FANK1: variants seen among roughly 807,000 people sequenced by gnomAD.
FANK1 encodes fibronectin type III and ankyrin repeat domains 1.
A neutral mutation model predicts 45.3 loss-of-function variants in FANK1; 44 were observed. The ratio of observed to expected loss-of-function variants is 0.97; its 90% CI spans 0.76 to 1.25. The LOEUF is 1.25. Among genes scored for constraint, FANK1 ranks in the 50% most tolerant of loss-of-function variants. FANK1 has a pLI of 0.00. For synonymous variants in FANK1, 149 were observed against 152.5 expected (o/e 0.98, Z 0.17); for missense variants, 391 against 424.4 (o/e 0.92, Z 0.69).
At chr10:125,931,483 T>C (rs1947748459) in intron 1 of FANK1, among the ~76,000 whole-genome samples, 1 of 152,250 alleles carries the variant, frequency 6.6e-6, no homozygotes, top group Non-Finnish European at 1.5e-5. Flanking sequence ...TTGGGCATTT[T>C]TTCATATATT....
At chr10:125,935,151 T>G (rs1261190002) in intron 1 of FANK1, among the ~76,000 whole-genome samples, 1 of 152,200 alleles carries the variant, frequency 6.6e-6, no homozygotes, top group Non-Finnish European at 1.5e-5. Context: ...ATTCATTCCT[T>G]CACGGAAAGT....
chr10:125,936,680 C>G (rs909423818), intron 1 of FANK1, among the ~76,000 whole-genome samples: 1 of 152,150 alleles, frequency 6.6e-6, no homozygotes. Context: ...GTTGAAGATC[C>G]TTCTTTCTCA....
chr10:125,917,509 C>T (rs1321943088), intron 1 of FANK1, among the ~76,000 whole-genome samples: 2 of 152,190 alleles, frequency 1.3e-5, no homozygotes, highest in Admixed American at 6.5e-5. Flanking sequence ...AGTCTTTTGA[C>T]GAACCTAATA....
In FANK1 at chr10:125,933,209, A is replaced by G. The variant is rs183647496; in HGVS notation, c.13+36554A>G. Among the ~76,000 whole-genome samples, 152 of 151,854 alleles carry G rather than the reference A, an allele frequency of 1.0e-3. 1 individual carries two copies. Among genetic ancestry groups the G allele is most frequent in the African/African-American group, 3.5e-3 (146 of 41,476 alleles). Reference sequence around the variant, plus strand: ...GATTTTGGTATTAGGGTGACTTGGTACCAATTCTTCTTTGAATATCTGGTA... The same window carrying G: ...GATTTTGGTATTAGGGTGACTTGGTGCCAATTCTTCTTTGAATATCTGGTA... On this transcript the variant is annotated intron_variant, in intron 1 of 10. Transcript: ENST00000368693.
chr10:125,919,195 A>ATTTTTTTTTTTTTTTTTTTTTTTTTTT lies in FANK1; in HGVS notation c.13+22542_13+22568dup, dbSNP rs142716284. ...AGTAAAATACTTCCAGGAGGTAAGA[A>ATTTTTTTTTTTTTTTTTTTTTTTTTTT]TTTTTTTTTTTTTTTTTTTTTTTTT... On this transcript the variant is annotated intron_variant, in intron 1 of 10. Coordinates refer to ENST00000368693, the MANE Select transcript of FANK1 (RefSeq NM_145235.5). Among the ~76,000 whole-genome samples, 28 of 51,880 alleles carry ATTTTTTTTTTTTTTTTTTTTTTTTTTT rather than the reference A, an allele frequency of 5.4e-4. 3 individuals are homozygous for ATTTTTTTTTTTTTTTTTTTTTTTTTTT. Among genetic ancestry groups the ATTTTTTTTTTTTTTTTTTTTTTTTTTT allele is most frequent in the East Asian group, 6.7e-4 (1 of 1,494 alleles). 34.0% of individuals were successfully genotyped at this position (51,880 alleles called of 152,430 possible).
intron 1 of FANK1, among the ~76,000 whole-genome samples, chr10:125,935,977 C>G (rs1457752860): frequency 6.6e-6 from 1 of 152,150 alleles, no homozygotes; most frequent in Non-Finnish European, 1.5e-5. Flanking sequence ...TCTTTACCTT[C>G]TCTGAATTCG....
rs541025301 is a variant in FANK1 at position 125,943,220 on chromosome 10, C to T, written c.14-36941C>T. Among the ~76,000 whole-genome samples the T allele has an allele frequency of 3.1e-3, 476 of 152,226 alleles. 1 individual carries two copies. Among genetic ancestry groups the T allele is most frequent in the African/African-American group, 0.011 (469 of 41,542 alleles). On this transcript the variant is annotated intron_variant, in intron 1 of 10. Coordinates refer to ENST00000368693, the MANE Select transcript of FANK1 (RefSeq NM_145235.5). Reference sequence around the variant, plus strand: ...TTTCTGTATTTTCTGTTAAACTCTTCATATGTCTAAATCAGGAATCAGACA... The same window carrying T: ...TTTCTGTATTTTCTGTTAAACTCTTTATATGTCTAAATCAGGAATCAGACA...
intron 1 of FANK1, among the ~76,000 whole-genome samples, chr10:125,947,655 A>G (rs1408003922): frequency 6.6e-6 from 1 of 151,418 alleles, no homozygotes; most frequent in Non-Finnish European, 1.5e-5. Context: ...ACACCCACAC[A>G]TTAATAATGG....
chr10:125,924,798 C>A (rs1947223077), intron 1 of FANK1, among the ~76,000 whole-genome samples: 1 of 145,226 alleles, frequency 6.9e-6, no homozygotes, highest in Non-Finnish European at 1.5e-5. Flanking sequence ...CAGAGTGAGA[C>A]CCCATCTCAA....
intron 6 of FANK1, among the ~76,000 whole-genome samples, chr10:126,001,493 T>C (rs1430325443): frequency 6.6e-6 from 1 of 152,022 alleles, no homozygotes; most frequent in African/African-American, 2.4e-5. Context: ...GCGGAGCGGG[T>C]CCTCCATTTC....
In FANK1 at chr10:125,977,644, C is replaced by T. The variant is rs143398466; in HGVS notation, c.14-2517C>T. ...AAGAGATCTTAGCAGGGGTTGTGGC[C>T]GGGGGTTATTTGCTTGCTCCACCTC... On this transcript the variant is annotated intron_variant, in intron 1 of 10. Transcript: ENST00000368693. 4.0e-4 allele frequency among the ~76,000 whole-genome samples: 61 copies of T among 152,130 alleles called. No homozygotes were observed. In the East Asian group the frequency reaches 6.6e-3, roughly 16 times the overall value.
At chr10:125,910,764 G>A (rs1313840702) in intron 1 of FANK1, among the ~76,000 whole-genome samples, 1 of 152,204 alleles carries the variant, frequency 6.6e-6, no homozygotes, top group African/African-American at 2.4e-5. Flanking sequence ...GCTGGGTGCG[G>A]TGGCTCACTC....
At chr10:125,982,916 C>CT (rs4019626) in intron 2 of FANK1, among the ~76,000 whole-genome samples, 6,043 of 146,764 alleles carry the variant, frequency 0.041, 209 homozygotes, top group African/African-American at 0.091. Context: ...GACTTTATTC[C>CT]TTTTTTTTTT....
chr10:125,921,970 T>A (rs1373453240), intron 1 of FANK1, among the ~76,000 whole-genome samples: 4 of 152,196 alleles, frequency 2.6e-5, no homozygotes, highest in African/African-American at 9.6e-5. Context: ...ATATTACTGA[T>A]TTAGTCTGTT....
chr10:125,966,541 A>G (rs1950210434), intron 1 of FANK1, among the ~76,000 whole-genome samples: 1 of 152,120 alleles, frequency 6.6e-6, no homozygotes, highest in East Asian at 1.9e-4. Flanking sequence ...TGCCCTCAGG[A>G]CACAGGAGAG....
chr10:125,930,301 T>G (rs1168704170), intron 1 of FANK1, among the ~76,000 whole-genome samples: 1 of 151,926 alleles, frequency 6.6e-6, no homozygotes, highest in Non-Finnish European at 1.5e-5. Context: ...CTCAAAGTGC[T>G]GAGATTACAG....
At chr10:125,980,573 A>G (rs1336155840) in intron 2 of FANK1, 2 of 454,244 alleles carry the variant, frequency 4.4e-6, no homozygotes, top group Non-Finnish European at 7.8e-6. Flanking sequence ...TTTTAATGAT[A>G]TGTATTTAAA....
intron 5 of FANK1, 134 bp downstream of exon 5, chr10:125,996,758 C>G: frequency 1.5e-6 from 1 of 689,316 alleles, no homozygotes; most frequent in Non-Finnish European, 2.4e-6. Flanking sequence ...CCAAACCGTA[C>G]CATATGATGG....
At chr10:125,963,089 C>T (rs945023942) in intron 1 of FANK1, among the ~76,000 whole-genome samples, 8 of 151,418 alleles carry the variant, frequency 5.3e-5, no homozygotes, top group East Asian at 2.0e-4. Flanking sequence ...TGGGTTCAAG[C>T]GATTCTGCCT....
Sources: gnomAD v4.1 joint callset for allele counts (sites outside exome capture counted in the v4.1 genomes callset) on GRCh38, gnomAD v4.1.1 for gene constraint, MANE v1.5 for transcripts, NCBI Gene and HGNC (gene_info 2026-07-23, HGNC 2026-07-21) for gene names.